Variants in SNX13 observed in about 807,000 individuals in gnomAD.
The protein encoded by SNX13 is sorting nexin-13.
SNX13 carries 45 observed loss-of-function variants against 133.6 expected under a neutral mutation model. The ratio of observed to expected loss-of-function variants is 0.34; its 90% CI spans 0.27 to 0.43. The LOEUF (loss-of-function observed/expected upper bound fraction) is 0.43, where lower values mean the gene tolerates loss of function less well. SNX13 is among the 20% of genes least tolerant of loss of function. SNX13 has a pLI of 1.00. For synonymous variants in SNX13, 414 were observed against 373.9 expected (o/e 1.11, Z -1.24); for missense variants, 1,032 against 1,145.1 (o/e 0.90, Z 1.43).
intron 17 of SNX13, among the ~76,000 whole-genome samples, chr7:17,825,302 G>GACTAC (rs1160136252): frequency 6.0e-5 from 9 of 150,772 alleles, no homozygotes; most frequent in African/African-American, 2.2e-4. Context: ...GACTAGACTA[G>GACTAC]ACTAGACTAT....
chr7:17,936,096 GT>G (rs1318616470), intron 1 of SNX13, among the ~76,000 whole-genome samples: 1 of 152,150 alleles, frequency 6.6e-6, no homozygotes, highest in Non-Finnish European at 1.5e-5. Flanking sequence ...ATACAAGAAA[GT>G]GTATTCACCT....
chr7:17,858,884 G>C (rs1052257984), intron 9 of SNX13, among the ~76,000 whole-genome samples: 27 of 152,050 alleles, frequency 1.8e-4, no homozygotes, highest in African/African-American at 6.3e-4. Context: ...TTCAACAAAT[G>C]GTGCTAGAAT....
Position 17,876,238 on chromosome 7 carries a change from C to A in SNX13, c.441-448G>T, listed in dbSNP as rs150682945. Reference sequence around the variant, plus strand: ...GAATTCTCCACATTCATCTTTTTAGCTATGCAACACATGTTCTGAACGTTC... The same window carrying A: ...GAATTCTCCACATTCATCTTTTTAGATATGCAACACATGTTCTGAACGTTC... On this transcript the variant is annotated intron_variant, in intron 5 of 25. Transcript: ENST00000428135. 3.8e-4 allele frequency among the ~76,000 whole-genome samples: 58 copies of A among 152,308 alleles called. 2 individuals are homozygous for A. In the East Asian group the frequency reaches 0.01, roughly 27 times the overall value.
At chr7:17,884,757 G>A (rs1795787529) in intron 5 of SNX13, among the ~76,000 whole-genome samples, 1 of 152,082 alleles carries the variant, frequency 6.6e-6, no homozygotes, top group Admixed American at 6.6e-5. Flanking sequence ...TGACCAATAA[G>A]CACATGAAAA....
At chr7:17,922,004 A>G (rs954696954) in intron 1 of SNX13, among the ~76,000 whole-genome samples, 1 of 152,222 alleles carries the variant, frequency 6.6e-6, no homozygotes. Context: ...TTTAGACACT[A>G]CAAGACCACA....
chr7:17,921,320 T>G (rs1417019501), intron 1 of SNX13, among the ~76,000 whole-genome samples: 3 of 152,152 alleles, frequency 2.0e-5, no homozygotes, highest in Non-Finnish European at 4.4e-5. Flanking sequence ...ATACATTCAG[T>G]TATCGATTCT....
At chr7:17,871,294 C>G (rs1421590851) in intron 8 of SNX13, among the ~76,000 whole-genome samples, 1 of 152,048 alleles carries the variant, frequency 6.6e-6, no homozygotes, top group Non-Finnish European at 1.5e-5. Flanking sequence ...CGTGAGCCAC[C>G]GCGCCTGGCC....
At position 17,879,697 on chromosome 7, in the gene SNX13, A is replaced by C. The variant is rs1036577684; in HGVS notation, c.441-3907T>G. 3 of 152,226 alleles carry C rather than the reference A, an allele frequency of 2.0e-5. No individual in the cohort carries two copies. The East Asian group carries it at 5.8e-4, about 29-fold the overall frequency. The allele number at this position is 152,226 out of a possible 1,614,324, so 9.4% of individuals were successfully genotyped here. On this transcript the variant is annotated intron_variant, in intron 5 of 25. Coordinates refer to ENST00000428135, the MANE Select transcript of SNX13 (RefSeq NM_015132.5). The stretch of plus-strand genomic sequence containing the variant: ...CTCACTTGTTCCATCTATTCTAAGC[A>C]GTGTACAGCTCATCATCAGTAGCAC...
chr7:17,899,260 G>C (rs1049007714), intron 1 of SNX13: 2 of 151,964 alleles, frequency 1.3e-5, no homozygotes, highest in African/African-American at 2.4e-5. Context: ...CTTGACCTTT[G>C]AGAGTTTGAT....
chr7:17,920,745 C>A (rs913866016), intron 1 of SNX13, among the ~76,000 whole-genome samples: 18 of 152,082 alleles, frequency 1.2e-4, no homozygotes, highest in African/African-American at 4.3e-4. Flanking sequence ...CATAAAAATT[C>A]TAATGCATAA....
intron 18 of SNX13, 93 bp from the exon 19 acceptor site, chr7:17,816,382 C>A (rs1786664335): frequency 7.1e-7 from 1 of 1,413,822 alleles, no homozygotes. Flanking sequence ...CATCTTCAGG[C>A]CAGGTGCGGT....
At chr7:17,855,637 G>A (rs1177590654) in intron 9 of SNX13, among the ~76,000 whole-genome samples, 2 of 152,154 alleles carry the variant, frequency 1.3e-5, no homozygotes, top group South Asian at 2.1e-4. Context: ...TTTACAACAC[G>A]GTTTACTAAA....
rs184217035 is a variant in SNX13 at position 17,885,023 on chromosome 7, T to C, written c.440+5340A>G. 1.6e-3 allele frequency among the ~76,000 whole-genome samples: 245 copies of C among 152,274 alleles called. 2 individuals are homozygous for C. The highest frequency in any genetic ancestry group is 5.4e-3 in the African/African-American group (225 of 41,564). On this transcript the variant is annotated intron_variant, in intron 5 of 25. Coordinates refer to ENST00000428135, the MANE Select transcript of SNX13 (RefSeq NM_015132.5). ...ATATATCCAAGAGAAATGGAAACAT[T>C]TGTCCCTCAAAAACTTGTACATGAA...
intron 1 of SNX13, among the ~76,000 whole-genome samples, chr7:17,917,800 T>C (rs1799719836): frequency 6.6e-6 from 1 of 152,150 alleles, no homozygotes; most frequent in Non-Finnish European, 1.5e-5. Context: ...GAAACTATTC[T>C]AAAATTCATA....
intron 9 of SNX13, among the ~76,000 whole-genome samples, chr7:17,851,320 C>T (rs1416822593): frequency 6.6e-6 from 1 of 152,170 alleles, no homozygotes; most frequent in African/African-American, 2.4e-5. Context: ...TTAGCTTTCA[C>T]TCTGAAGCAA....
At chr7:17,882,690 G>A (rs1018621943) in intron 5 of SNX13, 3 of 625,368 alleles carry the variant, frequency 4.8e-6, no homozygotes, top group Non-Finnish European at 6.5e-6. Context: ...TGTGTGTTTT[G>A]GGAGGAAACA....
At chr7:17,871,112 T>C (rs1583562321) in intron 8 of SNX13, among the ~76,000 whole-genome samples, 1 of 151,962 alleles carries the variant, frequency 6.6e-6, no homozygotes, top group Admixed American at 6.6e-5. Context: ...TTCATGCCAT[T>C]CTCCTGCCTC....
chr7:17,923,547 A>G (rs1183986696), intron 1 of SNX13, among the ~76,000 whole-genome samples: 5 of 152,284 alleles, frequency 3.3e-5, no homozygotes, highest in Non-Finnish European at 7.4e-5. Context: ...TTGCTAAAAG[A>G]ACGGGTCAGC....
In SNX13 at chr7:17,845,582, T is replaced by A. The variant is rs372114055; in HGVS notation, c.1165+13A>T. The A allele has an allele frequency of 3.4e-5, 51 of 1,508,324 alleles. No individual in the cohort carries two copies. Among genetic ancestry groups the A allele is most frequent in the Non-Finnish European group, 4.5e-5 (50 of 1,109,188 alleles). The allele number at this position is 1,508,324 out of a possible 1,614,324, so 93.4% of individuals were successfully genotyped here. A position where few individuals can be genotyped will look rare whatever the true frequency, so the allele number is the denominator to read the frequency against. On this transcript the variant is annotated intron_variant, in intron 12 of 25. Coordinates refer to ENST00000428135, the MANE Select transcript of SNX13 (RefSeq NM_015132.5). Reference sequence around the variant, plus strand: ...CAATGGCTGTATCATTTAAATAGAATTGATCTACCTACCCATAAAAAATTG... The same window carrying A: ...CAATGGCTGTATCATTTAAATAGAAATGATCTACCTACCCATAAAAAATTG...
Sources: gnomAD v4.1 joint callset for allele counts (sites outside exome capture counted in the v4.1 genomes callset) on GRCh38, gnomAD v4.1.1 for gene constraint, MANE v1.5 for transcripts, NCBI Gene and HGNC (gene_info 2026-07-23, HGNC 2026-07-21) for gene names.